ANO3: variants seen among roughly 807,000 people sequenced by gnomAD.
ANO3 encodes anoctamin 3.
ANO3 carries 99 observed loss-of-function variants against 144.8 expected under a neutral mutation model. The observed-to-expected ratio is 0.68, with a 90% CI of 0.58 to 0.81. The LOEUF is 0.81. ANO3 is among the 30% of genes least tolerant of loss of function. ANO3 has a pLI of 0.00. For synonymous variants in ANO3, 414 were observed against 392.6 expected (o/e 1.05, Z -0.64); for missense variants, 905 against 1,202.2 (o/e 0.75, Z 3.66).
intron 1 of ANO3, among the ~76,000 whole-genome samples, chr11:26,414,428 G>A (rs1049275040): frequency 1.3e-5 from 2 of 151,920 alleles, no homozygotes; most frequent in African/African-American, 2.4e-5. Context: ...GAATGAGATC[G>A]TGTCCTTTGC....
intron 1 of ANO3, among the ~76,000 whole-genome samples, chr11:26,421,964 G>C (rs1438950615): frequency 6.6e-6 from 1 of 151,980 alleles, no homozygotes; most frequent in African/African-American, 2.4e-5. Context: ...GAGGGTCGGA[G>C]GAGGGAAAGG....
intron 2 of ANO3, 58 bp downstream of exon 2, chr11:26,442,170 A>T (rs1194974957): frequency 2.6e-6 from 4 of 1,522,206 alleles, no homozygotes; most frequent in Non-Finnish European, 2.7e-6. Flanking sequence ...TTTTCCAAAC[A>T]CTCCTTTCCT....
At position 26,601,623 on chromosome 11, in the gene ANO3, C is replaced by T. The variant is rs1001577314; in HGVS notation, c.1836+1909C>T. Among the ~76,000 whole-genome samples, 9 of 152,206 alleles carry T rather than the reference C, an allele frequency of 5.9e-5. 1 individual carries two copies. Among genetic ancestry groups the T allele is most frequent in the African/African-American group, 2.2e-4 (9 of 41,472 alleles). ...TAGGTTGTGCACTGCACAAGCATCA[C>T]ATTGATGGAAGAGCCATTTTCAGCA... On this transcript the variant is annotated intron_variant, in intron 17 of 26. Coordinates refer to ENST00000256737, the MANE Select transcript of ANO3 (RefSeq NM_031418.4).
intron 3 of ANO3, among the ~76,000 whole-genome samples, chr11:26,446,269 C>T (rs2134029419): frequency 6.6e-6 from 1 of 152,304 alleles, no homozygotes; most frequent in East Asian, 1.9e-4. Flanking sequence ...TTTGGCAATA[C>T]ATGTTCTCTT....
chr11:26,504,298 T>C (rs10767541), intron 4 of ANO3, among the ~76,000 whole-genome samples: 91,040 of 152,024 alleles, frequency 0.6, 27,956 homozygotes, highest in East Asian at 0.68. Flanking sequence ...ATTCTTGAGG[T>C]TAACCCTATC....
chr11:26,343,290 C>T (rs1188226578), intron 1 of ANO3, among the ~76,000 whole-genome samples: 2 of 152,180 alleles, frequency 1.3e-5, no homozygotes, highest in Admixed American at 1.3e-4. Context: ...TTTATGCATT[C>T]ATCTTTCAGT....
At chr11:26,451,543 G>A (rs1000138842) in intron 3 of ANO3, among the ~76,000 whole-genome samples, 1 of 152,180 alleles carries the variant, frequency 6.6e-6, no homozygotes, top group Non-Finnish European at 1.5e-5. Flanking sequence ...AGGAGCGCCC[G>A]CCATTACTCA....
At chr11:26,592,408 A>G (rs1164562529) in intron 14 of ANO3, among the ~76,000 whole-genome samples, 1 of 151,852 alleles carries the variant, frequency 6.6e-6, no homozygotes, top group Non-Finnish European at 1.5e-5. Context: ...AAGCGGTGCC[A>G]TTGACACTCT....
intron 1 of ANO3, among the ~76,000 whole-genome samples, chr11:26,353,854 C>G (rs1025062635): frequency 6.6e-6 from 1 of 152,224 alleles, no homozygotes; most frequent in Non-Finnish European, 1.5e-5. Context: ...AGGCATGAGC[C>G]ACCGCGCCGG....
chr11:26,539,355 G>A lies in ANO3; in HGVS notation c.1032+1894G>A, dbSNP rs189441032. On this transcript the variant is annotated intron_variant, in intron 10 of 26. Transcript: ENST00000256737. ...TGAGCAAGAATAATCACTTCGGTCC[G>A]TTTTCTCTTGCAGCCCATTGCATGT... Among the ~76,000 whole-genome samples, 172 of 152,168 alleles carry A rather than the reference G, an allele frequency of 1.1e-3. 1 individual carries two copies. Among genetic ancestry groups the A allele is most frequent in the South Asian group, 2.7e-3 (13 of 4,824 alleles).
intron 1 of ANO3, among the ~76,000 whole-genome samples, chr11:26,438,610 A>G (rs12789983): frequency 0.4 from 29,640 of 73,252 alleles, 4,144 homozygotes; most frequent in Admixed American, 0.48. Flanking sequence ...AAAAAAAAAG[A>G]AAAAAAAAAA....
intron 4 of ANO3, among the ~76,000 whole-genome samples, chr11:26,495,444 A>G (rs550791879): frequency 2.2e-4 from 34 of 152,148 alleles, no homozygotes; most frequent in Non-Finnish European, 3.8e-4. Flanking sequence ...TAACTCCTGT[A>G]CTGGAAAGAG....
intron 14 of ANO3, chr11:26,565,698 T>G: frequency 6.2e-7 from 1 of 1,613,118 alleles, no homozygotes; most frequent in South Asian, 1.1e-5. Context: ...TGAGTTTAAG[T>G]TTGCTTCACT....
intron 1 of ANO3, among the ~76,000 whole-genome samples, chr11:26,378,155 C>T (rs549885756): frequency 1.1e-4 from 16 of 151,728 alleles, no homozygotes; most frequent in African/African-American, 3.1e-4. Context: ...TAAATATAAA[C>T]AATAATGTAT....
chr11:26,520,488 G>A (rs761441071), intron 6 of ANO3, among the ~76,000 whole-genome samples: 55 of 152,114 alleles, frequency 3.6e-4, no homozygotes, highest in South Asian at 1.2e-3. Flanking sequence ...CATTGTGATC[G>A]TGGAAAGTCT....
At chr11:26,419,975 C>T (rs532572318) in intron 1 of ANO3, among the ~76,000 whole-genome samples, 34 of 152,182 alleles carry the variant, frequency 2.2e-4, no homozygotes, top group African/African-American at 6.3e-4. Context: ...TTGCACCTCC[C>T]GGAGTCTTAA....
chr11:26,211,252 C>A (rs1851926689), intron 1 of ANO3, among the ~76,000 whole-genome samples: 1 of 151,970 alleles, frequency 6.6e-6, no homozygotes, highest in Admixed American at 6.6e-5. Context: ...TGCTCCTGAA[C>A]AACTACTGGG....
At chr11:26,368,835 T>C (rs1460722184) in intron 1 of ANO3, among the ~76,000 whole-genome samples, 2 of 152,166 alleles carry the variant, frequency 1.3e-5, no homozygotes, top group Non-Finnish European at 2.9e-5. Flanking sequence ...AAGTACTCTA[T>C]AATAAAAATG....
intron 1 of ANO3, among the ~76,000 whole-genome samples, chr11:26,293,472 T>A (rs1854007341): frequency 6.8e-6 from 1 of 147,652 alleles, no homozygotes; most frequent in Non-Finnish European, 1.5e-5. Flanking sequence ...GATCTATGCT[T>A]CTGGAAATTT....
Sources: allele counts gnomAD v4.1 joint callset (sites outside exome capture counted in the v4.1 genomes callset), GRCh38; gene constraint gnomAD v4.1.1; transcripts MANE v1.5; gene names NCBI Gene and HGNC (gene_info 2026-07-23, HGNC 2026-07-21).